Variants in FAM135B observed in about 807,000 individuals in gnomAD.
FAM135B encodes family with sequence similarity 135 member B, also known as protein FAM135B.
A neutral mutation model predicts 127.7 loss-of-function variants in FAM135B; 43 were observed. The ratio of observed to expected loss-of-function variants is 0.34; its 90% CI spans 0.26 to 0.43. FAM135B has a LOEUF of 0.43. FAM135B is among the 20% of genes least tolerant of loss of function. FAM135B has a pLI of 1.00. For missense variants in FAM135B, 1,558 were observed against 1,725.6 expected (o/e 0.90, Z 1.72); for synonymous variants, 670 against 665.1 (o/e 1.01, Z -0.11).
chr8:138,352,140 C>A (rs1266703155), intron 2 of FAM135B, among the ~76,000 whole-genome samples: 3 of 152,128 alleles, frequency 2.0e-5, no homozygotes, highest in Non-Finnish European at 4.4e-5. Context: ...CCATTGGCAC[C>A]CAGACAGTGT....
intron 1 of FAM135B, among the ~76,000 whole-genome samples, chr8:138,490,366 A>G (rs1815148429): frequency 6.6e-6 from 1 of 152,240 alleles, no homozygotes; most frequent in South Asian, 2.1e-4. Flanking sequence ...AGGTCAAGCC[A>G]CAGGGTTGCA....
intron 1 of FAM135B, among the ~76,000 whole-genome samples, chr8:138,374,324 A>T (rs1267985999): frequency 6.6e-6 from 1 of 152,204 alleles, no homozygotes; most frequent in Non-Finnish European, 1.5e-5. Flanking sequence ...GATGATACAG[A>T]ATGGTAACTA....
At chr8:138,328,622 T>G (rs1827967412) in intron 2 of FAM135B, among the ~76,000 whole-genome samples, 1 of 152,190 alleles carries the variant, frequency 6.6e-6, no homozygotes, top group African/African-American at 2.4e-5. Context: ...CCATTTACTC[T>G]AATAAGTGTT....
At chr8:138,280,259 T>C (rs1410645752) in intron 3 of FAM135B, among the ~76,000 whole-genome samples, 2 of 152,208 alleles carry the variant, frequency 1.3e-5, no homozygotes, top group African/African-American at 2.4e-5. Flanking sequence ...TGTCACCTGA[T>C]TGAGTGTCAG....
Position 138,180,751 on chromosome 8 carries a change from T to A in FAM135B, c.874-2061A>T, listed in dbSNP as rs545643404. On this transcript the variant is annotated intron_variant, in intron 9 of 19. Coordinates refer to ENST00000395297, the MANE Select transcript of FAM135B (RefSeq NM_015912.4). ...AGAACATCATTCAGCCACAGCATCA[T>A]CTCTGAGCTACTTCTTCCAAAAGGT... 7.9e-5 allele frequency among the ~76,000 whole-genome samples: 12 copies of A among 152,278 alleles called. No homozygotes were observed. The Middle Eastern group carries it at 0.014, about 173-fold the overall frequency.
intron 1 of FAM135B, among the ~76,000 whole-genome samples, chr8:138,444,207 C>T (rs1835970948): frequency 1.3e-5 from 2 of 152,122 alleles, no homozygotes; most frequent in Non-Finnish European, 1.5e-5. Context: ...TAATGGGAAA[C>T]TTTAACACCC....
rs550672342 is a variant in FAM135B, at chr8:138,485,217, C to T, written c.-20+11454G>A. Among the ~76,000 whole-genome samples, 4 of 152,250 alleles carry T rather than the reference C, an allele frequency of 2.6e-5. No individual in the cohort carries two copies. The South Asian group carries it at 8.3e-4, about 32-fold the overall frequency. On this transcript the variant is annotated intron_variant, in intron 1 of 19. Transcript: ENST00000395297. ...TCGATTTTCTTTTATGACTCATTGT[C>T]ACACTTCTGAACATAAGCTACTGCT...
intron 3 of FAM135B, among the ~76,000 whole-genome samples, chr8:138,305,567 A>C (rs578113608): frequency 1.3e-5 from 2 of 152,256 alleles, no homozygotes; most frequent in Non-Finnish European, 2.9e-5. Flanking sequence ...GCAAAACATA[A>C]GCAAGCCTTT....
intron 12 of FAM135B, among the ~76,000 whole-genome samples, chr8:138,162,403 A>C (rs939688124): frequency 6.6e-6 from 1 of 152,176 alleles, no homozygotes; most frequent in Non-Finnish European, 1.5e-5. Context: ...CCAAACCCAT[A>C]TAGAATGTGC....
chr8:138,145,324 T>C (rs1341615649), intron 15 of FAM135B, among the ~76,000 whole-genome samples: 2 of 152,136 alleles, frequency 1.3e-5, no homozygotes. Flanking sequence ...CCATCCTCTC[T>C]GAATACTGCA....
At chr8:138,483,755 C>A (rs987725668) in intron 1 of FAM135B, among the ~76,000 whole-genome samples, 1 of 152,118 alleles carries the variant, frequency 6.6e-6, no homozygotes, top group Non-Finnish European at 1.5e-5. Flanking sequence ...CTGCAGTGAC[C>A]CTATGCAAGC....
chr8:138,311,648 G>C (rs1826692075), intron 2 of FAM135B, among the ~76,000 whole-genome samples: 1 of 152,164 alleles, frequency 6.6e-6, no homozygotes, highest in Non-Finnish European at 1.5e-5. Context: ...GAAATGGAAT[G>C]TGAATAAACC....
intron 19 of FAM135B, among the ~76,000 whole-genome samples, chr8:138,134,381 C>A (rs1221536862): frequency 1.3e-5 from 2 of 152,072 alleles, no homozygotes; most frequent in Non-Finnish European, 2.9e-5. Context: ...GTCAGAAGGT[C>A]ATTTATTTAA....
rs1180530560 is a variant in FAM135B at position 138,298,678 on chromosome 8, C to CTGAGTT, written c.157+12162_157+12163insAACTCA. Among the ~76,000 whole-genome samples, 14 of 152,194 alleles carry CTGAGTT rather than the reference C, an allele frequency of 9.2e-5. No individual in the cohort carries two copies. In the East Asian group the frequency reaches 2.7e-3, roughly 29 times the overall value. ...ATACAATAATATAATAGTGACAAGC[C>CTGAGTT]AGACTGTCTGAGTTAGAACCCTGAC... On this transcript the variant is annotated intron_variant, in intron 3 of 19. Coordinates refer to ENST00000395297, the MANE Select transcript of FAM135B (RefSeq NM_015912.4).
intron 11 of FAM135B, among the ~76,000 whole-genome samples, chr8:138,176,621 G>A (rs1323573118): frequency 6.6e-6 from 1 of 152,186 alleles, no homozygotes; most frequent in Non-Finnish European, 1.5e-5. Context: ...AATGAGAAAG[G>A]TGAAAAAGTC....
intron 12 of FAM135B, among the ~76,000 whole-genome samples, chr8:138,158,310 T>C (rs1443627022): frequency 1.3e-5 from 2 of 152,148 alleles, no homozygotes; most frequent in Non-Finnish European, 2.9e-5. Context: ...TCAAGATGGA[T>C]TAAAGACTTA....
intron 2 of FAM135B, among the ~76,000 whole-genome samples, chr8:138,332,700 G>A (rs1200583039): frequency 6.6e-6 from 1 of 152,052 alleles, no homozygotes; most frequent in Non-Finnish European, 1.5e-5. Flanking sequence ...AACACGGAGT[G>A]CAGGAAACCC....
chr8:138,444,671 T>C (rs1306875449), intron 1 of FAM135B, among the ~76,000 whole-genome samples: 1 of 152,144 alleles, frequency 6.6e-6, no homozygotes, highest in East Asian at 1.9e-4. Flanking sequence ...GGGAAATTTA[T>C]AGCACTAAAT....
At position 138,152,374 on chromosome 8, in the gene FAM135B, G is replaced by C. The variant is rs754073531; in HGVS notation, c.2101C>G (p.Arg701Gly). Residue 701 changes from arginine to glycine, a missense_variant, in exon 13 of 20, where the codon CGA (arginine) becomes GGA (glycine). By Grantham distance (125) the Arg-to-Gly change is moderately radical. This residue lies in a region of FAM135B where 923 missense variants were observed against 865.3 expected (regional missense o/e 1.07). Transcript: ENST00000395297. ...CTGGGCAACTCCAGAGCCCTGCTTC[G>C]GGCCTCTGACCAGGCGACGGAGCTT... ...EPSSVAWSEA[R>G]SRALELPSDR... is the part of the protein sequence containing the mutation. The C allele has an allele frequency of 1.2e-6, 2 of 1,614,146 alleles. No individual in the cohort carries two copies. The highest frequency in any genetic ancestry group is 1.7e-6 in the Non-Finnish European group (2 of 1,180,036).
Sources: allele counts gnomAD v4.1 joint callset (sites outside exome capture counted in the v4.1 genomes callset), GRCh38; gene constraint gnomAD v4.1.1; regional missense constraint gnomAD v4.1.1; transcripts MANE v1.5; gene names NCBI Gene and HGNC (gene_info 2026-07-23, HGNC 2026-07-21).